The following ERBB4 variants were observed in gnomAD, a reference collection of about 807,000 sequenced individuals.
ERBB4 encodes the protein erb-b2 receptor tyrosine kinase 4.
In ERBB4, 42 loss-of-function variants were observed where a neutral mutation model predicts 158.0. The observed-to-expected ratio is 0.27, with a 90% CI of 0.21 to 0.34. The LOEUF (loss-of-function observed/expected upper bound fraction) is 0.34, where lower values mean the gene tolerates loss of function less well. ERBB4 is among the 10% of genes least tolerant of loss of function. The pLI is 1.00. For synonymous variants in ERBB4, 583 were observed against 558.7 expected (o/e 1.04, Z -0.61); for missense variants, 1,333 against 1,624.1 (o/e 0.82, Z 3.08).
intron 25 of ERBB4, among the ~76,000 whole-genome samples, chr2:211,416,187 T>G (rs2063386987): frequency 6.6e-6 from 1 of 152,198 alleles, no homozygotes; most frequent in Non-Finnish European, 1.5e-5. Context: ...TCTAATATCA[T>G]TAAAGCTAAA....
At chr2:212,112,458 A>C (rs1325435716) in intron 2 of ERBB4, among the ~76,000 whole-genome samples, 1 of 150,974 alleles carries the variant, frequency 6.6e-6, no homozygotes, top group African/African-American at 2.4e-5. Context: ...TTTTTTTTTT[A>C]ATGAAAACCT....
At chr2:211,876,611 T>A (rs766768107) in intron 3 of ERBB4, among the ~76,000 whole-genome samples, 10 of 152,148 alleles carry the variant, frequency 6.6e-5, no homozygotes, top group Non-Finnish European at 1.2e-4. Flanking sequence ...TCATGTGAAG[T>A]TCAAGAACAC....
chr2:212,344,094 G>A (rs575374375), intron 1 of ERBB4, among the ~76,000 whole-genome samples: 1 of 152,096 alleles, frequency 6.6e-6, no homozygotes, highest in Non-Finnish European at 1.5e-5. Context: ...GAAAAATATG[G>A]TTATATAGAT....
chr2:212,373,572 T>C (rs1053452298), intron 1 of ERBB4, among the ~76,000 whole-genome samples: 3 of 151,546 alleles, frequency 2.0e-5, no homozygotes, highest in Admixed American at 1.3e-4. Flanking sequence ...CTAAGAATAA[T>C]GTAGCAGTTT....
At chr2:212,272,848 A>G (rs576342469) in intron 1 of ERBB4, among the ~76,000 whole-genome samples, 1 of 151,844 alleles carries the variant, frequency 6.6e-6, no homozygotes, top group African/African-American at 2.4e-5. Context: ...AGATTTCATT[A>G]TTTATATTGA....
chr2:211,735,603 T>A lies in ERBB4; in HGVS notation c.623-10409A>T, dbSNP rs761631081. On this transcript the variant is annotated intron_variant, in intron 5 of 27. Transcript: ENST00000342788. Reference sequence around the variant, plus strand: ...CTACCATGATTGTGAGTGATGATAATGAAAACTAAGATATTACTCAAATAC... The same window carrying A: ...CTACCATGATTGTGAGTGATGATAAAGAAAACTAAGATATTACTCAAATAC... Among the ~76,000 whole-genome samples, 23 of 152,080 alleles carry A rather than the reference T, an allele frequency of 1.5e-4. 1 individual carries two copies. The highest frequency in any genetic ancestry group is 1.5e-4 in the Non-Finnish European group (10 of 68,014).
intron 1 of ERBB4, among the ~76,000 whole-genome samples, chr2:212,349,131 T>C (rs2089143403): frequency 6.6e-6 from 1 of 152,198 alleles, no homozygotes; most frequent in South Asian, 2.1e-4. Flanking sequence ...AAATGTCTTC[T>C]GAAGATGGAG....
At chr2:211,734,909 C>CAAAAAA (rs570006497) in intron 5 of ERBB4, among the ~76,000 whole-genome samples, 6,355 of 68,996 alleles carry the variant, frequency 0.092, 571 homozygotes, top group East Asian at 0.21. Context: ...GAGACTCTGT[C>CAAAAAA]AAAAAAAAAA....
intron 17 of ERBB4, among the ~76,000 whole-genome samples, chr2:211,625,037 G>A (rs2069785792): frequency 6.6e-6 from 1 of 151,730 alleles, no homozygotes; most frequent in Admixed American, 6.6e-5. Flanking sequence ...AAGGGGGCAA[G>A]TATGTGCATG....
chr2:211,917,704 G>T (rs200038171), intron 3 of ERBB4, among the ~76,000 whole-genome samples: 5,057 of 152,230 alleles, frequency 0.033, 123 homozygotes, highest in African/African-American at 0.064. Context: ...GCATGGGATG[G>T]TTTGAAGACC....
chr2:211,667,850 A>G (rs151050699), intron 14 of ERBB4, among the ~76,000 whole-genome samples: 84 of 152,332 alleles, frequency 5.5e-4, no homozygotes, highest in African/African-American at 1.9e-3. Flanking sequence ...TTTAATATTT[A>G]AGTATACTGT....
chr2:212,049,865 A>T (rs1233853745), intron 2 of ERBB4, among the ~76,000 whole-genome samples: 1 of 152,194 alleles, frequency 6.6e-6, no homozygotes, highest in Non-Finnish European at 1.5e-5. Context: ...AAATTAGAAC[A>T]GTGGGATATG....
intron 19 of ERBB4, among the ~76,000 whole-genome samples, chr2:211,571,097 C>T (rs2067716238): frequency 7.8e-6 from 1 of 127,708 alleles, no homozygotes; most frequent in South Asian, 2.4e-4. Flanking sequence ...GGCTGGAATG[C>T]AGTGGCACAA....
At chr2:211,401,712 AT>A (rs1237578686) in intron 25 of ERBB4, among the ~76,000 whole-genome samples, 1 of 152,054 alleles carries the variant, frequency 6.6e-6, no homozygotes, top group Non-Finnish European at 1.5e-5. Flanking sequence ...CTTAAGAAAG[AT>A]GCACCTTGGA....
At chr2:212,153,800 C>T (rs976991701) in intron 1 of ERBB4, among the ~76,000 whole-genome samples, 1 of 152,100 alleles carries the variant, frequency 6.6e-6, no homozygotes, top group Non-Finnish European at 1.5e-5. Flanking sequence ...ATTCTAACAT[C>T]ATATAGGAAT....
chr2:212,463,084 T>C (rs1378316917), intron 1 of ERBB4, among the ~76,000 whole-genome samples: 1 of 151,920 alleles, frequency 6.6e-6, no homozygotes, highest in African/African-American at 2.4e-5. Context: ...AGTAGAACAG[T>C]GGTTTGAAAG....
intron 20 of ERBB4, among the ~76,000 whole-genome samples, chr2:211,548,848 C>G (rs1265561051): frequency 1.3e-5 from 2 of 152,158 alleles, no homozygotes; most frequent in East Asian, 3.9e-4. Context: ...CGATTTTAAA[C>G]TAAGATTTCA....
intron 1 of ERBB4, among the ~76,000 whole-genome samples, chr2:212,308,053 A>C (rs1287492781): frequency 1.3e-5 from 2 of 151,190 alleles, no homozygotes; most frequent in East Asian, 3.9e-4. Flanking sequence ...TCTCCAAAAA[A>C]AATTCCTCCA....
intron 3 of ERBB4, among the ~76,000 whole-genome samples, chr2:211,939,041 A>G (rs929210863): frequency 6.6e-6 from 1 of 152,184 alleles, no homozygotes. Flanking sequence ...ATATTGTTGT[A>G]TTGCACGTTT....
Sources: allele counts gnomAD v4.1 joint callset (sites outside exome capture counted in the v4.1 genomes callset), GRCh38; gene constraint gnomAD v4.1.1; transcripts MANE v1.5; gene names NCBI Gene and HGNC (gene_info 2026-07-23, HGNC 2026-07-21).